The following PRODH2 variants were observed in gnomAD, a reference collection of about 807,000 sequenced individuals.
The protein encoded by PRODH2 is hydroxyproline dehydrogenase.
In PRODH2, 49 loss-of-function variants were observed where a neutral mutation model predicts 51.9. That is an observed-to-expected ratio of 0.94 (90% confidence interval 0.75 to 1.20). The LOEUF (loss-of-function observed/expected upper bound fraction) is 1.20. PRODH2 is among the 50% of genes most tolerant of loss of function. The probability of loss-of-function intolerance (pLI) is 0.00; values close to 1 mark genes in which losing one functional copy is unlikely to be tolerated. For missense variants in PRODH2, 597 were observed against 610.9 expected (o/e 0.98, Z 0.24); for synonymous variants, 249 against 260.7 (o/e 0.96, Z 0.43).
intron 4 of PRODH2, among the ~76,000 whole-genome samples, chr19:35,807,413 C>T (rs1245287777): frequency 2.6e-5 from 4 of 152,030 alleles, no homozygotes; most frequent in Admixed American, 6.6e-5. Context: ...AGTGATTCTC[C>T]TGCTTCAGCC....
chr19:35,802,944 C>G, intron 8 of PRODH2, 24 bp downstream of exon 8: 2 of 1,488,888 alleles, frequency 1.3e-6, no homozygotes, highest in Non-Finnish European at 1.8e-6. Flanking sequence ...GCACCTATTT[C>G]CCGCCCATCC....
chr19:35,802,089 A>T (rs1455695659), intron 9 of PRODH2, 102 bp downstream of exon 9: 1 of 1,056,346 alleles, frequency 9.5e-7, no homozygotes, highest in Non-Finnish European at 1.5e-6. Flanking sequence ...ATCTCTCTGG[A>T]AGGATCTGGA....
chr19:35,804,684 C>T (rs1272255696), intron 7 of PRODH2, among the ~76,000 whole-genome samples: 1 of 152,226 alleles, frequency 6.6e-6, no homozygotes, highest in East Asian at 1.9e-4. Context: ...CGCCTATAAT[C>T]CCAGCACTTG....
intron 4 of PRODH2, among the ~76,000 whole-genome samples, chr19:35,810,704 A>G (rs1055567494): frequency 2.6e-5 from 4 of 152,096 alleles, no homozygotes; most frequent in Non-Finnish European, 4.4e-5. Flanking sequence ...TATTTCTAGT[A>G]GAGACGGAGT....
At chr19:35,806,079 G>A (rs1318765109) in intron 7 of PRODH2, among the ~76,000 whole-genome samples, 1 of 151,466 alleles carries the variant, frequency 6.6e-6, no homozygotes, top group Non-Finnish European at 1.5e-5. Context: ...TGTTTTGTTT[G>A]TTTGTTTGTT....
Position 35,806,550 on chromosome 19 carries a change from GC to G in PRODH2, c.880del (p.Ala294ProfsTer7). On this transcript the variant is annotated frameshift_variant, in exon 7 of 10. Transcript: ENST00000653904. LOFTEE classifies it high-confidence loss of function. ...LGRDAEAAHR[A>X]GLAFGVKLVR... Reference sequence around the variant, plus strand: ...CAGCTTCACTCCGAAGGCCAGGCCGGCCCTGTGCGCAGCCTCTGCATCCCTC... The same window carrying G: ...CAGCTTCACTCCGAAGGCCAGGCCGGCCTGTGCGCAGCCTCTGCATCCCTC... 1 of 1,614,110 alleles carries G rather than the reference GC, an allele frequency of 6.2e-7. No homozygotes were observed.
chr19:35,802,946 C>A, intron 8 of PRODH2, 22 bp downstream of exon 8: 2 of 1,492,820 alleles, frequency 1.3e-6, no homozygotes, highest in East Asian at 2.5e-5. Flanking sequence ...ACCTATTTCC[C>A]GCCCATCCCT....
At chr19:35,802,409 C>T in intron 8 of PRODH2, 133 bp from the exon 9 acceptor site, 1 of 805,328 alleles carries the variant, frequency 1.2e-6, no homozygotes, top group Middle Eastern at 2.3e-4. Context: ...TACATAATAA[C>T]CAGTCCTTTG....
intron 7 of PRODH2, among the ~76,000 whole-genome samples, chr19:35,804,316 G>C (rs1214330788): frequency 6.6e-6 from 1 of 152,160 alleles, no homozygotes; most frequent in Admixed American, 6.6e-5. Flanking sequence ...GGCTCCCAAA[G>C]TGCTGGGATT....
In PRODH2 at chr19:35,803,030, G is replaced by A. The variant is rs768149342; in HGVS notation, c.1050C>T (p.Gly350=). ...ELMLTHVARH[G]PMCHLMVASH... ...AAGCCACCATGAGGTGGCACATGGG[G>A]CCATGGCGGGCCACGTGCGTCAGCA... Residue 350 remains glycine (G), a synonymous_variant, in exon 8 of 10, where the codon GGC becomes GGT. Coordinates refer to ENST00000653904, the MANE Select transcript of PRODH2 (RefSeq NM_021232.2). 19 of 1,572,542 alleles carry A rather than the reference G, an allele frequency of 1.2e-5. No homozygotes were observed. The highest frequency in any genetic ancestry group is 1.8e-5 in the Admixed American group (1 of 55,024).
At chr19:35,802,338 A>ACT in intron 8 of PRODH2, 62 bp from the exon 9 acceptor site, 1 of 1,429,022 alleles carries the variant, frequency 7.0e-7, no homozygotes, top group Non-Finnish European at 9.9e-7. Flanking sequence ...AAAGTCAGCC[A>ACT]CTATGCACCC....
intron 4 of PRODH2, among the ~76,000 whole-genome samples, chr19:35,808,462 G>A (rs1972548229): frequency 6.6e-6 from 1 of 152,148 alleles, no homozygotes; most frequent in South Asian, 2.1e-4. Flanking sequence ...GGAGAATGCT[G>A]CCTCCTGGAG....
At chr19:35,811,876 G>A (rs1972615824) in intron 4 of PRODH2, 86 bp downstream of exon 4, 12 of 1,324,468 alleles carry the variant, frequency 9.1e-6, no homozygotes, top group Admixed American at 3.8e-5. Context: ...GGAGGTGGCC[G>A]TAGCATTTTG....
chr19:35,807,965 A>G lies in PRODH2; in HGVS notation c.598-844T>C, dbSNP rs147398253. Among the ~76,000 whole-genome samples the G allele has an allele frequency of 4.2e-3, 628 of 150,172 alleles. 4 individuals are homozygous for G. The highest frequency in any genetic ancestry group is 0.012 in the African/African-American group (478 of 40,854). On this transcript the variant is annotated intron_variant, in intron 4 of 9. Transcript: ENST00000653904. ...TAATTCTTTACTATTTGTAGAGTCA[A>G]GGTCTTCCTATGTTGCCCAGGCTGG...
chr19:35,803,279 T>C (rs1972461743), intron 7 of PRODH2, among the ~76,000 whole-genome samples: 1 of 151,764 alleles, frequency 6.6e-6, no homozygotes, highest in Admixed American at 6.6e-5. Context: ...GTTTTTGAGA[T>C]GGAGTCACTC....
At chr19:35,811,595 G>A (rs1009790519) in intron 4 of PRODH2, among the ~76,000 whole-genome samples, 15 of 152,088 alleles carry the variant, frequency 9.9e-5, no homozygotes, top group Admixed American at 1.3e-4. Flanking sequence ...AGAATGTGGA[G>A]ATAAAAAGGA....
At chr19:35,801,443 G>A (rs990493428) in intron 9 of PRODH2, among the ~76,000 whole-genome samples, 2 of 152,074 alleles carry the variant, frequency 1.3e-5, no homozygotes, top group Non-Finnish European at 2.9e-5. Flanking sequence ...TCCTGCCTGG[G>A]TAACAGAGCA....
At chr19:35,811,271 G>A (rs572507783) in intron 4 of PRODH2, among the ~76,000 whole-genome samples, 2 of 151,968 alleles carry the variant, frequency 1.3e-5, no homozygotes, top group East Asian at 3.9e-4. Flanking sequence ...CAAGACGGCA[G>A]GCTGGGTGTG....
Position 35,802,216 on chromosome 19 carries a change from C to T in PRODH2, c.1173G>A (p.Met391Ile). 1 of 1,614,128 alleles carries T rather than the reference C, an allele frequency of 6.2e-7. No individual in the cohort carries two copies. Among genetic ancestry groups the T allele is most frequent in the Non-Finnish European group, 8.5e-7 (1 of 1,180,034 alleles). Residue 391 changes from methionine to isoleucine, a missense_variant, in exon 9 of 10, where the codon ATG (methionine) becomes ATA (isoleucine). Transcript: ENST00000653904. ...GTVCFGQLLGMCDHVSLALGQ... is the reference protein window; with the variant it reads ...GTVCFGQLLGICDHVSLALGQ... The stretch of plus-strand genomic sequence containing the variant: ...CCAGTGCTAGAGAGACGTGGTCACA[C>T]ATGCCCAGAAGTTGTCCGAAACAGA...
Sources: gnomAD v4.1 joint callset for allele counts (sites outside exome capture counted in the v4.1 genomes callset) on GRCh38, gnomAD v4.1.1 for gene constraint, MANE v1.5 for transcripts, NCBI Gene and HGNC (gene_info 2026-07-23, HGNC 2026-07-21) for gene names.